The following RBFOX3 variants were observed in gnomAD, a reference collection of about 807,000 sequenced individuals.
RBFOX3 encodes RNA binding protein fox-1 homolog 3.
In RBFOX3, 17 loss-of-function variants were observed where a neutral mutation model predicts 48.7. The observed-to-expected ratio is 0.35, with a 90% CI of 0.24 to 0.52. The LOEUF is 0.52. Ranked by LOEUF, RBFOX3 falls within the 20% of genes least tolerant of loss-of-function variation. The pLI, the probability that RBFOX3 is intolerant of heterozygous loss-of-function variation, is 0.94. For synonymous variants in RBFOX3, 212 were observed against 209.5 expected (o/e 1.01, Z -0.10); for missense variants, 382 against 497.5 (o/e 0.77, Z 2.21).
intron 4 of RBFOX3, among the ~76,000 whole-genome samples, chr17:79,184,541 C>T (rs1336340551): frequency 1.3e-5 from 2 of 152,226 alleles, no homozygotes; most frequent in Non-Finnish European, 2.9e-5. Context: ...ACCAGAGGCC[C>T]CGTGGATCAG....
At chr17:79,152,319 C>T (rs1009393700) in intron 4 of RBFOX3, among the ~76,000 whole-genome samples, 6 of 152,178 alleles carry the variant, frequency 3.9e-5, no homozygotes, top group African/African-American at 1.2e-4. Flanking sequence ...AGCTGAGAGG[C>T]GGCTGCTTCG....
intron 3 of RBFOX3, among the ~76,000 whole-genome samples, chr17:79,292,750 C>T (rs370164342): frequency 1.2e-4 from 19 of 152,320 alleles, no homozygotes; most frequent in African/African-American, 3.6e-4. Flanking sequence ...TTCTTTCCTC[C>T]GCTCAATTCT....
chr17:79,256,259 A>C (rs1369731381), intron 3 of RBFOX3, among the ~76,000 whole-genome samples: 3 of 152,058 alleles, frequency 2.0e-5, no homozygotes, highest in Non-Finnish European at 4.4e-5. Context: ...TTCTATTCCC[A>C]TAAACCGACC....
At chr17:79,182,509 G>A (rs1213293570) in intron 4 of RBFOX3, among the ~76,000 whole-genome samples, 1 of 152,132 alleles carries the variant, frequency 6.6e-6, no homozygotes, top group East Asian at 1.9e-4. Flanking sequence ...CGCATTGGGT[G>A]GCAGCGCAGG....
At chr17:79,513,342 G>A (rs1227115227) in intron 1 of RBFOX3, among the ~76,000 whole-genome samples, 4 of 152,132 alleles carry the variant, frequency 2.6e-5, no homozygotes, top group Admixed American at 2.6e-4. Flanking sequence ...TTACCACCAG[G>A]CATGGCCCCA....
chr17:79,615,214 C>A (rs2093989278), upstream of RBFOX3, among the ~76,000 whole-genome samples: 1 of 152,166 alleles, frequency 6.6e-6, no homozygotes, highest in Non-Finnish European at 1.5e-5. Flanking sequence ...GGCCTGGAAT[C>A]CCTTACTTCA....
At chr17:79,179,124 G>A (rs1201663704) in intron 4 of RBFOX3, among the ~76,000 whole-genome samples, 3 of 152,296 alleles carry the variant, frequency 2.0e-5, no homozygotes, top group African/African-American at 7.2e-5. Flanking sequence ...GTGGTGCTAC[G>A]TCTGCCACAG....
intron 1 of RBFOX3, among the ~76,000 whole-genome samples, chr17:79,503,844 C>G (rs2149760989): frequency 6.6e-6 from 1 of 152,318 alleles, no homozygotes; most frequent in South Asian, 2.1e-4. Flanking sequence ...AGGGTGTTTG[C>G]CTGATGGAAT....
intron 4 of RBFOX3, among the ~76,000 whole-genome samples, chr17:79,128,174 G>A (rs2037827136): frequency 1.3e-5 from 2 of 152,144 alleles, no homozygotes; most frequent in South Asian, 4.1e-4. Context: ...TCCCCCACTT[G>A]GCCTCTATTA....
intron 4 of RBFOX3, among the ~76,000 whole-genome samples, 173 bp from the exon 5 acceptor site, chr17:79,115,921 G>T (rs879878047): frequency 9.2e-5 from 14 of 152,186 alleles, no homozygotes; most frequent in South Asian, 2.1e-4. Context: ...GCAGGAGGGG[G>T]TGCTGCGCTG....
At chr17:79,395,621 G>A (rs1313996381) in intron 2 of RBFOX3, among the ~76,000 whole-genome samples, 3 of 152,188 alleles carry the variant, frequency 2.0e-5, no homozygotes, top group Non-Finnish European at 2.9e-5. Context: ...AGTGTGTGCC[G>A]GGCACTGATC....
At chr17:79,207,053 A>G (rs1372192839) in intron 4 of RBFOX3, among the ~76,000 whole-genome samples, 3 of 152,176 alleles carry the variant, frequency 2.0e-5, no homozygotes. Context: ...TGAAATCTGA[A>G]GTTTCCCATG....
At chr17:79,465,510 G>A (rs186423981) in intron 2 of RBFOX3, among the ~76,000 whole-genome samples, 160 of 151,314 alleles carry the variant, frequency 1.1e-3, no homozygotes, top group Admixed American at 1.7e-3. Context: ...ATCTGTTCCC[G>A]TTAGAAAATG....
chr17:79,618,450 C>T, the RBFOX3 span, among the ~76,000 whole-genome samples: 10 of 152,154 alleles, frequency 6.6e-5, no homozygotes, highest in African/African-American at 2.4e-4. Context: ...TGTGTCTGCT[C>T]AGGCAGAATA....
rs1217825574 is a variant in RBFOX3 at position 79,096,656 on chromosome 17, A to C, written c.933T>G (p.Ile311Met). 1.9e-6 allele frequency: 3 copies of C among 1,550,744 alleles called. No homozygotes were observed. The highest frequency in any genetic ancestry group is 2.6e-6 in the Non-Finnish European group (3 of 1,146,540). ...VYQDGFYGAE[I>M]YGGYAAYRYA... ...CTCCCGGCGGGGCTACACTTACATA[A>C]ATCTCAGCACCATAAAATCCATCCT... The change falls in exon 12 of 15, where the codon ATT becomes ATG. Residue 311 changes from isoleucine (I) to methionine (M), a missense_variant. This residue lies in a region of RBFOX3 where 215 missense variants were observed against 254.8 expected (regional missense o/e 0.84). Coordinates refer to ENST00000693108, the MANE Select transcript of RBFOX3 (RefSeq NM_001350451.2).
intron 2 of RBFOX3, among the ~76,000 whole-genome samples, chr17:79,407,026 T>C (rs1449214964): frequency 1.3e-5 from 2 of 152,368 alleles, no homozygotes; most frequent in East Asian, 3.9e-4. Flanking sequence ...GTTTCTGTTT[T>C]GAGATGAAGT....
rs1462024166 is a variant in RBFOX3 at position 79,535,691 on chromosome 17, T to C, written c.-319-53093A>G. ...ATGCGCAGCCAGGCAAGGTTGCCTG[T>C]GTTGGGGACAGTCAATCGGACATAG... On this transcript the variant is annotated intron_variant, in intron 1 of 14. Coordinates refer to ENST00000693108, the MANE Select transcript of RBFOX3 (RefSeq NM_001350451.2). The surrounding 1 kb of genome is among the most constrained non-coding windows in gnomAD (Gnocchi z 4.5). 6.6e-6 allele frequency among the ~76,000 whole-genome samples: 1 copy of C among 152,130 alleles called. No individual in the cohort carries two copies. The highest frequency in any genetic ancestry group is 1.5e-5 in the Non-Finnish European group (1 of 68,020).
chr17:79,228,548 C>A (rs537700342), intron 4 of RBFOX3, among the ~76,000 whole-genome samples: 1 of 152,280 alleles, frequency 6.6e-6, no homozygotes, highest in African/African-American at 2.4e-5. Context: ...AGCACAAAAC[C>A]ACCCAACTGG....
intron 4 of RBFOX3, among the ~76,000 whole-genome samples, chr17:79,233,474 T>C (rs2061270925): frequency 6.6e-6 from 1 of 152,134 alleles, no homozygotes; most frequent in Admixed American, 6.5e-5. Context: ...TCAAAGCTTA[T>C]CAAATTGCAT....
Sources: allele counts gnomAD v4.1 joint callset (sites outside exome capture counted in the v4.1 genomes callset), GRCh38; gene constraint gnomAD v4.1.1; regional missense constraint gnomAD v4.1.1; non-coding constraint Gnocchi (gnomAD v3.1); transcripts MANE v1.5; gene names NCBI Gene and HGNC (gene_info 2026-07-23, HGNC 2026-07-21).